The following ZNF841 variants were observed in gnomAD, a reference collection of about 807,000 sequenced individuals.
ZNF841 encodes the protein TCONS_00006091.
A neutral mutation model predicts 13.0 loss-of-function variants in ZNF841; 11 were observed. That is an observed-to-expected ratio of 0.85 (90% confidence interval 0.53 to 1.40). The LOEUF is 1.40. Among genes scored for constraint, ZNF841 ranks in the 40% most tolerant of loss-of-function variants. The pLI is 0.00. For synonymous variants in ZNF841, 369 were observed against 381.6 expected (o/e 0.97, Z 0.38); for missense variants, 1,068 against 1,139.5 (o/e 0.94, Z 0.90).
At chr19:52,071,997 G>C (rs772390488) in intron 6 of ZNF841, among the ~76,000 whole-genome samples, 5 of 152,136 alleles carry the variant, frequency 3.3e-5, no homozygotes, top group Non-Finnish European at 7.3e-5. Context: ...TGAACTGAAG[G>C]GATGAAAAAA....
At chr19:52,070,683 C>G (rs1452214733) in intron 6 of ZNF841, among the ~76,000 whole-genome samples, 2 of 152,202 alleles carry the variant, frequency 1.3e-5, no homozygotes, top group Non-Finnish European at 2.9e-5. Context: ...CAGGCTTTGG[C>G]TCCCTGCAAT....
At chr19:52,075,198 G>A (rs967733361) in intron 6 of ZNF841, among the ~76,000 whole-genome samples, 2 of 152,042 alleles carry the variant, frequency 1.3e-5, no homozygotes. Flanking sequence ...AAGTCTCAGA[G>A]GCAAAAAATC....
In ZNF841 at chr19:52,084,845, T is replaced by C. The variant is rs1368221183; in HGVS notation, c.-44A>G. ...CTTCTTTCTCTCCTGGGCCTCTCTC[T>C]CAGTCAATATAATTAATTCTTTAAA... On this transcript the variant is annotated 5_prime_UTR_variant, in exon 4 of 7. Coordinates refer to ENST00000594440, the MANE Select transcript of ZNF841 (RefSeq NM_001136499.2). 1.9e-6 allele frequency: 3 copies of C among 1,587,904 alleles called. No individual in the cohort carries two copies. The highest frequency in any genetic ancestry group is 1.9e-5 in the Admixed American group (1 of 53,722).
chr19:52,072,044 G>A (rs1218028519), intron 6 of ZNF841, among the ~76,000 whole-genome samples: 1 of 152,178 alleles, frequency 6.6e-6, no homozygotes, highest in Non-Finnish European at 1.5e-5. Flanking sequence ...AGACATCAGA[G>A]GTGGCTAAAC....
Position 52,066,615 on chromosome 19 carries a change from G to A in ZNF841, c.1267C>T (p.His423Tyr). 1 of 1,613,606 alleles carries A rather than the reference G, an allele frequency of 6.2e-7. No individual in the cohort carries two copies. Among genetic ancestry groups the A allele is most frequent in the Non-Finnish European group, 8.5e-7 (1 of 1,179,770 alleles). Reference sequence around the variant, plus strand: ...CATGTATATGGTTTCTTTCCTGCATGGATTATATGATGTGCAGTGAGGCTT... The same window carrying A: ...CATGTATATGGTTTCTTTCCTGCATAGATTATATGATGTGCAGTGAGGCTT... Reference protein sequence around the residue: ...NSSLTAHHIIHAGKKPYTCDV... With the variant: ...NSSLTAHHIIYAGKKPYTCDV... The change falls in exon 7 of 7, where the codon CAT (histidine) becomes TAT (tyrosine). Residue 423 changes from histidine to tyrosine, a missense_variant. Coordinates refer to ENST00000594440, the MANE Select transcript of ZNF841 (RefSeq NM_001136499.2).
At chr19:52,073,832 A>C (rs982093879) in intron 6 of ZNF841, among the ~76,000 whole-genome samples, 8 of 152,228 alleles carry the variant, frequency 5.3e-5, no homozygotes, top group Non-Finnish European at 8.8e-5. Context: ...AGAAAAAAAC[A>C]GTGCAATTTG....
At chr19:52,094,035 C>T (rs1213621678) in intron 1 of ZNF841, 64 bp from the exon 2 acceptor site, 2 of 152,180 alleles carry the variant, frequency 1.3e-5, no homozygotes, top group African/African-American at 4.8e-5. Flanking sequence ...AAAAAAAACA[C>T]CAAAGACATA....
In ZNF841 at chr19:52,067,373, T is replaced by C. The variant is rs1034140768; in HGVS notation, c.509A>G (p.His170Arg). 3.9e-6 allele frequency: 6 copies of C among 1,548,216 alleles called. No homozygotes were observed. The African/African-American group carries it at 5.5e-5, about 14-fold the overall frequency. The stretch of plus-strand genomic sequence containing the variant: ...CTTGTTTTCTACGTCCCCTTGACTA[T>C]GTCGAACTCTTTGACCAGTAAGATT... ...KNNLTGQRVR[H>R]SQGDVENKHM... Residue 170 changes from histidine (H) to arginine (R), a missense_variant, in exon 7 of 7, where the codon CAT becomes CGT. His to Arg is a conservative substitution (Grantham distance 29, BLOSUM62 0). Transcript: ENST00000594440.
chr19:52,081,659 G>A (rs909788240), intron 4 of ZNF841, among the ~76,000 whole-genome samples: 4 of 152,198 alleles, frequency 2.6e-5, no homozygotes, highest in African/African-American at 9.7e-5. Context: ...TCTGAGACCA[G>A]CCAGGGCAAC....
At chr19:52,075,176 T>C (rs1236316054) in intron 6 of ZNF841, among the ~76,000 whole-genome samples, 2 of 152,142 alleles carry the variant, frequency 1.3e-5, no homozygotes, top group Admixed American at 1.3e-4. Context: ...TAGAAATGCA[T>C]TTATCCAAAG....
intron 3 of ZNF841, among the ~76,000 whole-genome samples, chr19:52,086,015 A>G (rs913788217): frequency 4.6e-5 from 7 of 152,238 alleles, no homozygotes; most frequent in African/African-American, 1.4e-4. Flanking sequence ...TGAGATGTGC[A>G]GGAGTGCAGG....
Position 52,084,896 on chromosome 19 carries a change from G to T in ZNF841, c.-77-18C>A. 1.5e-6 allele frequency: 2 copies of T among 1,351,154 alleles called. No homozygotes were observed. The highest frequency in any genetic ancestry group is 1.3e-5 in the South Asian group (1 of 74,480). The allele number at this position is 1,351,154 out of a possible 1,614,324, so 83.7% of individuals were successfully genotyped here. On this transcript the variant is annotated intron_variant, in intron 3 of 6. Transcript: ENST00000594440. Reference sequence around the variant, plus strand: ...AGTCAAATCTGAAAGTCAAAAATATGTTGTTTAATCCTTGGAAACAACACA... The same window carrying T: ...AGTCAAATCTGAAAGTCAAAAATATTTTGTTTAATCCTTGGAAACAACACA...
the ZNF841 span, among the ~76,000 whole-genome samples, chr19:52,059,390 T>TATATATAC: frequency 7.2e-3 from 687 of 96,080 alleles, 10 homozygotes; most frequent in African/African-American, 0.013. Context: ...TATATATATA[T>TATATATAC]ACACACACAC....
At chr19:52,062,545 A>C (rs150732260), downstream of ZNF841, among the ~76,000 whole-genome samples, 19 of 152,320 alleles carry the variant, frequency 1.2e-4, no homozygotes, top group African/African-American at 4.6e-4. Context: ...CACCTAATGA[A>C]GCAGGCCCTC....
chr19:52,090,716 A>AGAAAGAGAAAGAAG (rs2088466184), intron 2 of ZNF841, among the ~76,000 whole-genome samples: 3 of 151,386 alleles, frequency 2.0e-5, no homozygotes, highest in African/African-American at 7.3e-5. Context: ...AGAGAAAGAA[A>AGAAAGAGAAAGAAG]GAAAGAAAAA....
chr19:52,069,419 T>C (rs1210809120), intron 6 of ZNF841, among the ~76,000 whole-genome samples: 3 of 152,236 alleles, frequency 2.0e-5, no homozygotes, highest in Non-Finnish European at 2.9e-5. Flanking sequence ...ACAAAATATA[T>C]ATGATACAGA....
rs1568549551 is a variant in ZNF841, at chr19:52,090,649, AGG to A, written c.-143-1649_-143-1648del. Among the ~76,000 whole-genome samples the A allele has an allele frequency of 2.1e-3, 275 of 129,062 alleles. 3 individuals are homozygous for A. Among genetic ancestry groups the A allele is most frequent in the African/African-American group, 8.5e-3 (262 of 30,752 alleles). 84.7% of individuals were successfully genotyped at this position (129,062 alleles called of 152,430 possible). A position where few individuals can be genotyped will look rare whatever the true frequency, so the allele number is the denominator to read the frequency against. On this transcript the variant is annotated intron_variant, in intron 2 of 6. Transcript: ENST00000594440. Reference sequence around the variant, plus strand: ...AAAGAAAGAAGGAAGGAAGGAAGGAAGGAAGGAAAGAAAGAAAGAAAGAAAGA... The same window carrying A: ...AAAGAAAGAAGGAAGGAAGGAAGGAAAAGGAAAGAAAGAAAGAAAGAAAGA...
At chr19:52,090,013 A>T (rs1463079499) in intron 2 of ZNF841, among the ~76,000 whole-genome samples, 1 of 152,204 alleles carries the variant, frequency 6.6e-6, no homozygotes, top group Admixed American at 6.5e-5. Context: ...CCTGCTGAGA[A>T]AACTTGCCAG....
intron 2 of ZNF841, among the ~76,000 whole-genome samples, chr19:52,089,344 G>A (rs957481759): frequency 6.6e-6 from 1 of 152,232 alleles, no homozygotes; most frequent in East Asian, 1.9e-4. Flanking sequence ...CAAATGCTAT[G>A]AAGAAAATCA....
Sources: gnomAD v4.1 joint callset for allele counts (sites outside exome capture counted in the v4.1 genomes callset) on GRCh38, gnomAD v4.1.1 for gene constraint, MANE v1.5 for transcripts, NCBI Gene and HGNC (gene_info 2026-07-23, HGNC 2026-07-21) for gene names.